The following ARG2 variants were observed in gnomAD, a reference collection of about 807,000 sequenced individuals.
The protein encoded by ARG2 is arginase 2.
ARG2 carries 21 observed loss-of-function variants against 39.4 expected under a neutral mutation model. The ratio of observed to expected loss-of-function variants is 0.53; its 90% confidence interval spans 0.38 to 0.77. The LOEUF (loss-of-function observed/expected upper bound fraction) is 0.77, where lower values mean the gene tolerates loss of function less well. Ranked by LOEUF, ARG2 falls within the 30% of genes least tolerant of loss-of-function variation. The pLI is 0.00. For synonymous variants in ARG2, 150 were observed against 156.7 expected, an observed-to-expected ratio of 0.96 and a Z score of 0.32; for missense variants, 378 against 426.2, an observed-to-expected ratio of 0.89 and a Z score of 1.00.
chr14:67,645,483 G>A (rs1197330981), intron 3 of ARG2, among the ~76,000 whole-genome samples, 160 bp from the exon 4 acceptor site: 1 of 152,134 alleles, frequency 6.6e-6, no homozygotes, highest in Non-Finnish European at 1.5e-5. Flanking sequence ...ATTAATTTTT[G>A]AGAACTACAA....
chr14:67,629,378 T>G (rs1440019339), intron 2 of ARG2, among the ~76,000 whole-genome samples: 1 of 152,178 alleles, frequency 6.6e-6, no homozygotes, highest in Non-Finnish European at 1.5e-5. Context: ...TGACATATGC[T>G]GCAATATGGG....
intron 2 of ARG2, among the ~76,000 whole-genome samples, chr14:67,621,547 C>G (rs1194844164): frequency 1.3e-5 from 2 of 151,644 alleles, no homozygotes; most frequent in Admixed American, 1.3e-4. Flanking sequence ...CCTCCACCTT[C>G]TGGGTTCAAG....
chr14:67,641,224 A>G (rs2037026783), intron 2 of ARG2, among the ~76,000 whole-genome samples: 1 of 152,170 alleles, frequency 6.6e-6, no homozygotes, highest in Non-Finnish European at 1.5e-5. Context: ...CTATGTGTAT[A>G]AAGTGTGTAT....
chr14:67,646,573 G>T, intron 4 of ARG2, 71 bp from the exon 5 acceptor site: 1 of 1,259,066 alleles, frequency 7.9e-7, no homozygotes. Flanking sequence ...CATACCCACG[G>T]ACGCACATGA....
intron 4 of ARG2, chr14:67,646,328 AG>A (rs1461439927): frequency 6.3e-6 from 2 of 316,178 alleles, no homozygotes; most frequent in Non-Finnish European, 1.2e-5. Flanking sequence ...TCTGTAAACA[AG>A]TCAGTAATGT....
chr14:67,641,125 T>C (rs531976355), intron 2 of ARG2, among the ~76,000 whole-genome samples: 1 of 152,334 alleles, frequency 6.6e-6, no homozygotes, highest in Admixed American at 6.5e-5. Context: ...GCTGTGATAG[T>C]GACACCTTTG....
intron 2 of ARG2, among the ~76,000 whole-genome samples, chr14:67,638,179 A>G (rs904281023): frequency 6.6e-6 from 1 of 152,176 alleles, no homozygotes; most frequent in Non-Finnish European, 1.5e-5. Context: ...ATATTTTGCT[A>G]TGACAGTTAA....
At chr14:67,631,190 G>C (rs577272653) in intron 2 of ARG2, among the ~76,000 whole-genome samples, 87 of 152,094 alleles carry the variant, frequency 5.7e-4, no homozygotes, top group Non-Finnish European at 1.0e-3. Flanking sequence ...TTTTTCTTCA[G>C]AGCCAACTTC....
intron 4 of ARG2, chr14:67,646,362 A>G (rs746806190): frequency 4.8e-6 from 2 of 416,034 alleles, no homozygotes; most frequent in Non-Finnish European, 8.7e-6. Context: ...AAAAGGGCTA[A>G]TCAGCAGTAT....
Position 67,650,842 on chromosome 14 carries a change from A to G in ARG2, c.987A>G (p.Gly329=). Residue 329 remains glycine, a synonymous_variant, in exon 8 of 8, where the codon GGA becomes GGG. Transcript: ENST00000261783. ...IASSFGQTRE[G]GHIVYDQLPT... is the part of the protein sequence containing the mutation. ...CAAGCTTTGGTCAGACAAGAGAAGG[A>G]GGGCATATTGTCTATGACCAACTTC... 2 of 1,614,154 alleles carry G rather than the reference A, an allele frequency of 1.2e-6. No individual in the cohort carries two copies. The highest frequency in any genetic ancestry group is 1.7e-6 in the Non-Finnish European group (2 of 1,179,992).
At chr14:67,644,416 T>G (rs535460749) in intron 3 of ARG2, among the ~76,000 whole-genome samples, 69 of 152,218 alleles carry the variant, frequency 4.5e-4, no homozygotes, top group Non-Finnish European at 9.0e-4. Flanking sequence ...TCTAGTATTC[T>G]GACTTAATCC....
In ARG2 at chr14:67,642,793, C is replaced by CTTTTTTTTTTTTTTTTTTTTT. The variant is rs869215946; in HGVS notation, c.362+437_362+457dup. Among the ~76,000 whole-genome samples, 19 of 75,554 alleles carry CTTTTTTTTTTTTTTTTTTTTT rather than the reference C, an allele frequency of 2.5e-4. 6 individuals are homozygous for CTTTTTTTTTTTTTTTTTTTTT. The highest frequency in any genetic ancestry group is 9.3e-4 in the African/African-American group (17 of 18,250). 49.6% of individuals were successfully genotyped at this position (75,554 alleles called of 152,430 possible). ...CCCCTTTGGCATGTTACTACATTTT[C>CTTTTTTTTTTTTTTTTTTTTT]TTTTTTTTTTTTTTTTTTTTTTTTT... On this transcript the variant is annotated intron_variant, in intron 3 of 7. Coordinates refer to ENST00000261783, the MANE Select transcript of ARG2 (RefSeq NM_001172.4).
intron 2 of ARG2, among the ~76,000 whole-genome samples, chr14:67,621,918 G>A (rs377722245): frequency 2.0e-5 from 3 of 151,932 alleles, no homozygotes; most frequent in African/African-American, 4.8e-5. Flanking sequence ...CCAATATGGC[G>A]AAATCCCTTC....
intron 2 of ARG2, among the ~76,000 whole-genome samples, chr14:67,626,889 TAAATG>T (rs949229271): frequency 1.3e-5 from 2 of 152,322 alleles, no homozygotes; most frequent in African/African-American, 2.4e-5. Context: ...TATTCAGTCA[TAAATG>T]GAATGAAGTA....
intron 2 of ARG2, among the ~76,000 whole-genome samples, chr14:67,637,207 C>T (rs138530597): frequency 0.018 from 2,681 of 151,810 alleles, 39 homozygotes; most frequent in Middle Eastern, 0.048. Context: ...GTCAGGAGTT[C>T]GAGACCAGCC....
At chr14:67,630,877 C>T (rs1410935314) in intron 2 of ARG2, among the ~76,000 whole-genome samples, 1 of 152,186 alleles carries the variant, frequency 6.6e-6, no homozygotes, top group Non-Finnish European at 1.5e-5. Flanking sequence ...GCCACCGTGC[C>T]CCGCCCATGT....
intron 2 of ARG2, among the ~76,000 whole-genome samples, chr14:67,623,265 T>C (rs1394426552): frequency 6.6e-6 from 1 of 152,214 alleles, no homozygotes; most frequent in African/African-American, 2.4e-5. Context: ...TCAGTTGCTC[T>C]GTTCCTAAAC....
At position 67,650,826 on chromosome 14, in the gene ARG2, G is replaced by A. The variant is rs1339195925; in HGVS notation, c.971G>A (p.Gly324Asp). ...GTAGATGTGATTGCTTCAAGCTTTGGTCAGACAAGAGAAGGAGGGCATATT... is the reference window on the plus strand; with the variant it reads ...GTAGATGTGATTGCTTCAAGCTTTGATCAGACAAGAGAAGGAGGGCATATT... ...LAVDVIASSF[G>D]QTREGGHIVY... Residue 324 changes from glycine to aspartate, a missense_variant, in exon 8 of 8, where the codon GGT (glycine) becomes GAT (aspartate). Transcript: ENST00000261783. The A allele has an allele frequency of 6.2e-7, 1 of 1,614,064 alleles. No homozygotes were observed. The highest frequency in any genetic ancestry group is 1.7e-5 in the Admixed American group (1 of 60,006).
Position 67,620,891 on chromosome 14 carries a change from C to G in ARG2, c.112-3C>G. 1 of 1,614,040 alleles carries G rather than the reference C, an allele frequency of 6.2e-7. No individual in the cohort carries two copies. Among genetic ancestry groups the G allele is most frequent in the Non-Finnish European group, 8.5e-7 (1 of 1,179,972 alleles). On this transcript the variant is annotated splice_polypyrimidine_tract_variant and splice_region_variant and intron_variant, in intron 1 of 7. Transcript: ENST00000261783. ...CTAATTGTGTAATTTGTGTGACTGA[C>G]AGAAAAGAAAAGGAGTGGAGCATGG...
Sources: gnomAD v4.1 joint callset for allele counts (sites outside exome capture counted in the v4.1 genomes callset) on GRCh38, gnomAD v4.1.1 for gene constraint, MANE v1.5 for transcripts, NCBI Gene and HGNC (gene_info 2026-07-23, HGNC 2026-07-21) for gene names.